The following PIBF1 variants were observed in gnomAD, a reference collection of about 807,000 sequenced individuals.
PIBF1 encodes progesterone immunomodulatory binding factor 1, also known as progesterone-induced-blocking factor 1.
PIBF1 carries 90 observed loss-of-function variants against 112.5 expected under a neutral mutation model. That is an observed-to-expected ratio of 0.80 (90% CI 0.67 to 0.95). PIBF1 has a LOEUF of 0.95. Among genes scored for constraint, PIBF1 ranks in the 40% least tolerant of loss-of-function variants. The pLI is 0.00. For missense variants in PIBF1, 915 were observed against 852.3 expected, an observed-to-expected ratio of 1.07 and a Z score of -0.92; for synonymous variants, 301 against 288.6, an observed-to-expected ratio of 1.04 and a Z score of -0.44.
At chr13:72,899,449 G>C (rs1169934132) in intron 11 of PIBF1, among the ~76,000 whole-genome samples, 1 of 151,938 alleles carries the variant, frequency 6.6e-6, no homozygotes, top group African/African-American at 2.4e-5. Context: ...TTCATACCAG[G>C]GATGCTGGAT....
chr13:73,007,316 A>G (rs1177154601), intron 17 of PIBF1, among the ~76,000 whole-genome samples: 1 of 137,480 alleles, frequency 7.3e-6, no homozygotes, highest in Non-Finnish European at 1.6e-5. Context: ...TTTTTTTTTG[A>G]GATGGAGTCT....
chr13:72,944,057 A>G (rs1185939709), intron 14 of PIBF1, among the ~76,000 whole-genome samples: 3 of 152,186 alleles, frequency 2.0e-5, no homozygotes, highest in Admixed American at 2.0e-4. Flanking sequence ...TGGCCATAAT[A>G]TTAATAAAAT....
intron 16 of PIBF1, among the ~76,000 whole-genome samples, chr13:72,974,698 A>G (rs980198733): frequency 6.6e-6 from 1 of 152,222 alleles, no homozygotes; most frequent in Non-Finnish European, 1.5e-5. Context: ...ATTCATTCAC[A>G]GTTTATGGAC....
intron 14 of PIBF1, among the ~76,000 whole-genome samples, chr13:72,949,191 A>G (rs1186628424): frequency 6.6e-6 from 1 of 151,950 alleles, no homozygotes; most frequent in Non-Finnish European, 1.5e-5. Context: ...CTTTTGGAAA[A>G]CTGGCCACAA....
chr13:73,004,987 C>T (rs961938272), intron 17 of PIBF1, among the ~76,000 whole-genome samples: 3 of 152,094 alleles, frequency 2.0e-5, no homozygotes, highest in Non-Finnish European at 4.4e-5. Flanking sequence ...GAGTTGGAGA[C>T]CAGCCTGACC....
intron 10 of PIBF1, among the ~76,000 whole-genome samples, chr13:72,883,827 A>T (rs1450710803): frequency 6.6e-6 from 1 of 152,140 alleles, no homozygotes; most frequent in Non-Finnish European, 1.5e-5. Context: ...GGTGTGGTGG[A>T]TCACATCTGT....
At chr13:73,012,199 A>G (rs1001697874) in intron 17 of PIBF1, among the ~76,000 whole-genome samples, 5 of 152,056 alleles carry the variant, frequency 3.3e-5, no homozygotes, top group African/African-American at 1.2e-4. Flanking sequence ...TAAAAGTACA[A>G]AAACTAGCTG....
rs1228478432 is a variant in PIBF1, at chr13:72,991,335, T to C, written c.2050-7487T>C. The stretch of plus-strand genomic sequence containing the variant: ...TCACAAGAACATCCTTGCCCTTAAC[T>C]CTTCAATTTTGAAAAGTAATTATTA... On this transcript the variant is annotated intron_variant, in intron 16 of 17. Transcript: ENST00000326291. Among the ~76,000 whole-genome samples, 6 of 152,234 alleles carry C rather than the reference T, an allele frequency of 3.9e-5. No individual in the cohort carries two copies. In the East Asian group the frequency reaches 1.2e-3, roughly 29 times the overall value.
intron 14 of PIBF1, among the ~76,000 whole-genome samples, chr13:72,951,325 G>C (rs1340670012): frequency 2.0e-5 from 3 of 152,138 alleles, no homozygotes; most frequent in Non-Finnish European, 4.4e-5. Context: ...AGACTCACTG[G>C]ATTCAAATCT....
At chr13:72,798,808 T>G (rs772597606) in intron 5 of PIBF1, among the ~76,000 whole-genome samples, 15 of 152,288 alleles carry the variant, frequency 9.8e-5, no homozygotes, top group Non-Finnish European at 1.6e-4. Context: ...GGAAAACACT[T>G]CTAGTTTACA....
intron 9 of PIBF1, among the ~76,000 whole-genome samples, chr13:72,841,848 G>A (rs536772449): frequency 6.6e-6 from 1 of 152,112 alleles, no homozygotes; most frequent in East Asian, 1.9e-4. Context: ...TATGCAAAAA[G>A]TACATTATAA....
chr13:72,857,363 A>G (rs923395816), intron 10 of PIBF1, among the ~76,000 whole-genome samples: 18 of 152,250 alleles, frequency 1.2e-4, no homozygotes, highest in Non-Finnish European at 2.1e-4. Context: ...TAGAAGTAAT[A>G]AATTGATAAA....
At chr13:73,004,268 C>G (rs1258067802) in intron 17 of PIBF1, among the ~76,000 whole-genome samples, 3 of 151,896 alleles carry the variant, frequency 2.0e-5, no homozygotes, top group Non-Finnish European at 4.4e-5. Flanking sequence ...AGGTGGGCGG[C>G]TCACCTGAGA....
chr13:72,814,581 AACTT>A (rs1263333764), intron 5 of PIBF1, among the ~76,000 whole-genome samples: 2 of 151,894 alleles, frequency 1.3e-5, no homozygotes, highest in East Asian at 1.9e-4. Flanking sequence ...AGGAGGAATA[AACTT>A]ACTTGGCAAT....
At chr13:72,787,079 G>A (rs1022185559) in intron 2 of PIBF1, among the ~76,000 whole-genome samples, 4 of 152,138 alleles carry the variant, frequency 2.6e-5, no homozygotes, top group African/African-American at 9.7e-5. Context: ...TAAAGAATAT[G>A]TATATGTATG....
chr13:72,944,686 A>G (rs1460647860), intron 14 of PIBF1, among the ~76,000 whole-genome samples: 2 of 152,108 alleles, frequency 1.3e-5, no homozygotes, highest in Non-Finnish European at 2.9e-5. Context: ...TCAAAACATA[A>G]ACAGTGAATG....
At chr13:72,931,004 C>T (rs1427539625) in intron 13 of PIBF1, among the ~76,000 whole-genome samples, 161 bp from the exon 14 acceptor site, 1 of 152,116 alleles carries the variant, frequency 6.6e-6, no homozygotes, top group African/African-American at 2.4e-5. Context: ...ATTGGTCTTC[C>T]ACTACTGGTG....
intron 13 of PIBF1, among the ~76,000 whole-genome samples, chr13:72,919,425 T>G (rs954921884): frequency 2.0e-5 from 3 of 152,190 alleles, no homozygotes; most frequent in African/African-American, 7.2e-5. Context: ...AATTATGTAT[T>G]TTTAAAAAAT....
chr13:72,929,720 C>G (rs779643787), intron 13 of PIBF1, among the ~76,000 whole-genome samples: 1 of 151,966 alleles, frequency 6.6e-6, no homozygotes, highest in Non-Finnish European at 1.5e-5. Context: ...TATGCTTTTT[C>G]CATCTCTAAT....
Sources: gnomAD v4.1 joint callset for allele counts (sites outside exome capture counted in the v4.1 genomes callset) on GRCh38, gnomAD v4.1.1 for gene constraint, MANE v1.5 for transcripts, NCBI Gene and HGNC (gene_info 2026-07-23, HGNC 2026-07-21) for gene names.